Variants in LIPJ observed in about 807,000 individuals in gnomAD.
LIPJ encodes lipase member J.
LIPJ carries 33 observed loss-of-function variants against 39.8 expected under a neutral mutation model. That is an observed-to-expected ratio of 0.83 (90% CI 0.63 to 1.11). The LOEUF (loss-of-function observed/expected upper bound fraction) is 1.11, where lower values mean the gene tolerates loss of function less well. LIPJ is among the 50% of genes least tolerant of loss of function. The pLI, the probability that LIPJ is intolerant of heterozygous loss-of-function variation, is 0.00. For missense variants in LIPJ, 422 were observed against 427.9 expected, an observed-to-expected ratio of 0.99 and a Z score of 0.12; for synonymous variants, 128 against 139.2, an observed-to-expected ratio of 0.92 and a Z score of 0.57.
At chr10:88,608,517 G>A (rs748503929), downstream of LIPJ, among the ~76,000 whole-genome samples, 4 of 152,140 alleles carry the variant, frequency 2.6e-5, no homozygotes, top group Admixed American at 6.5e-5. Flanking sequence ...CATAACTTCC[G>A]GGGACATTTG....
chr10:88,598,123 G>A (rs776490916), intron 8 of LIPJ, among the ~76,000 whole-genome samples: 5 of 151,932 alleles, frequency 3.3e-5, no homozygotes, highest in Admixed American at 1.3e-4. Context: ...AAATTTTCAC[G>A]CACAGTGTGT....
At chr10:88,606,687 T>C (rs781309466) in exon 11 of LIPJ, 1 of 1,609,932 alleles carries the variant, frequency 6.2e-7, no homozygotes, top group Admixed American at 1.7e-5. Flanking sequence ...ACGTCTCCAT[T>C]ATACAACATG....
intron 8 of LIPJ, among the ~76,000 whole-genome samples, chr10:88,597,336 G>A (rs1851291386): frequency 6.6e-6 from 1 of 151,688 alleles, no homozygotes; most frequent in African/African-American, 2.4e-5. Context: ...TCCATAATTA[G>A]AATTAGTGCC....
chr10:88,583,611 T>C, upstream of LIPJ: 1 of 992,184 alleles, frequency 1.0e-6, no homozygotes. Flanking sequence ...TTTACTATTC[T>C]AGATTTGAAA....
At chr10:88,591,573 A>G in intron 4 of LIPJ, 75 bp downstream of exon 4, 2 of 1,286,104 alleles carry the variant, frequency 1.6e-6, no homozygotes, top group Non-Finnish European at 2.1e-6. Context: ...GACGGAGAAC[A>G]TAGGACAAGA....
chr10:88,607,340 G>A (rs1162164615), downstream of LIPJ, among the ~76,000 whole-genome samples: 1 of 152,064 alleles, frequency 6.6e-6, no homozygotes, highest in Non-Finnish European at 1.5e-5. Flanking sequence ...AGGAGTTTGG[G>A]GAGAAAAGAA....
chr10:88,590,070 G>C (rs536027697), intron 2 of LIPJ, among the ~76,000 whole-genome samples: 1 of 151,696 alleles, frequency 6.6e-6, no homozygotes, highest in East Asian at 1.9e-4. Flanking sequence ...AAAAACTTAA[G>C]AGTTCTGCCT....
At chr10:88,604,494 G>A (rs1851597126) in intron 9 of LIPJ, among the ~76,000 whole-genome samples, 1 of 152,170 alleles carries the variant, frequency 6.6e-6, no homozygotes, top group Non-Finnish European at 1.5e-5. Context: ...TGATTGTTTG[G>A]ACTGATGTGT....
At chr10:88,598,317 G>A (rs1851331358) in intron 8 of LIPJ, among the ~76,000 whole-genome samples, 1 of 152,008 alleles carries the variant, frequency 6.6e-6, no homozygotes, top group Admixed American at 6.6e-5. Flanking sequence ...TCACTCAGGT[G>A]TGGAAAACCA....
chr10:88,595,560 A>G (rs571204128), intron 6 of LIPJ, among the ~76,000 whole-genome samples: 7 of 151,724 alleles, frequency 4.6e-5, no homozygotes, highest in African/African-American at 9.6e-5. Flanking sequence ...CCAAATTCTC[A>G]TCAACTATTC....
At chr10:88,583,478 G>A, upstream of LIPJ, 1 of 1,296,236 alleles carries the variant, frequency 7.7e-7, no homozygotes, top group South Asian at 1.7e-5. Context: ...AGAAAAGCCT[G>A]GAAATGGTGT....
downstream of LIPJ, among the ~76,000 whole-genome samples, chr10:88,608,176 C>T (rs115340360): frequency 4.5e-3 from 690 of 152,314 alleles, 3 homozygotes; most frequent in Middle Eastern, 0.024. Flanking sequence ...TAGCTATCTC[C>T]TCAAAGTGGA....
intron 2 of LIPJ, among the ~76,000 whole-genome samples, chr10:88,589,636 C>T (rs549129116): frequency 5.3e-5 from 8 of 151,512 alleles, no homozygotes; most frequent in South Asian, 2.1e-4. Context: ...GCACAGGAAA[C>T]TGGACTAATA....
the LIPJ span, among the ~76,000 whole-genome samples, chr10:88,614,763 T>C: frequency 5.3e-5 from 8 of 152,224 alleles, no homozygotes; most frequent in South Asian, 2.1e-4. Flanking sequence ...AGTATTAATA[T>C]TGGAGGATTT....
intron 6 of LIPJ, 74 bp downstream of exon 6, chr10:88,594,850 T>A: frequency 1.5e-6 from 1 of 652,712 alleles, no homozygotes. Flanking sequence ...CTTAAAGTTG[T>A]AGATAAGCTT....
the LIPJ span, among the ~76,000 whole-genome samples, chr10:88,617,187 G>C: frequency 1.3e-5 from 2 of 152,194 alleles, no homozygotes; most frequent in African/African-American, 2.4e-5. Flanking sequence ...AAGCCCGGCT[G>C]AGCCATGACA....
intron 2 of LIPJ, among the ~76,000 whole-genome samples, chr10:88,590,355 A>C (rs1851039366): frequency 6.6e-6 from 1 of 151,830 alleles, no homozygotes; most frequent in African/African-American, 2.4e-5. Flanking sequence ...TCTACAAAAT[A>C]GGGTAGCCAG....
At chr10:88,620,501 C>T in the LIPJ span, among the ~76,000 whole-genome samples, 35 of 151,914 alleles carry the variant, frequency 2.3e-4, no homozygotes, top group Non-Finnish European at 4.6e-4. Context: ...AAAGATTTAA[C>T]CAAATACTTT....
intron 4 of LIPJ, chr10:88,593,727 C>T (rs1851156829): frequency 7.3e-6 from 3 of 412,768 alleles, no homozygotes; most frequent in Admixed American, 8.2e-5. Flanking sequence ...GTGATGTGAC[C>T]TAATTGCTCA....
Sources: allele counts gnomAD v4.1 joint callset (sites outside exome capture counted in the v4.1 genomes callset), GRCh38; gene constraint gnomAD v4.1.1; transcripts MANE v1.5; gene names NCBI Gene and HGNC (gene_info 2026-07-23, HGNC 2026-07-21).